The following SKAP1 variants were observed in gnomAD, a reference collection of about 807,000 sequenced individuals.
The protein encoded by SKAP1 is src kinase-associated phosphoprotein 1.
Under a neutral mutation model 58.5 loss-of-function variants are expected in SKAP1, and 44 were observed. The ratio of observed to expected loss-of-function variants is 0.75; its 90% CI spans 0.59 to 0.97. The LOEUF is 0.97. SKAP1 is among the 50% of genes least tolerant of loss of function. The pLI, the probability that SKAP1 is intolerant of heterozygous loss-of-function variation, is 0.00. For synonymous variants in SKAP1, 127 were observed against 149.7 expected (o/e 0.85, Z 1.11); for missense variants, 390 against 435.2 (o/e 0.90, Z 0.92).
chr17:48,417,128 G>A (rs2067741200), intron 1 of SKAP1, among the ~76,000 whole-genome samples: 1 of 152,208 alleles, frequency 6.6e-6, no homozygotes, highest in Non-Finnish European at 1.5e-5. Flanking sequence ...ATACCTACCA[G>A]CTTTGTTTTG....
chr17:48,228,714 G>C (rs1400515919), intron 4 of SKAP1, among the ~76,000 whole-genome samples: 3 of 152,228 alleles, frequency 2.0e-5, no homozygotes, highest in African/African-American at 7.2e-5. Context: ...GAGGGATACA[G>C]AGTTTAAGTA....
chr17:48,382,717 TC>T (rs2067231132), intron 2 of SKAP1: 1 of 152,154 alleles, frequency 6.6e-6, no homozygotes, highest in African/African-American at 2.4e-5. Flanking sequence ...TAATAGTGGT[TC>T]AAAAAACCAC....
intron 4 of SKAP1, among the ~76,000 whole-genome samples, chr17:48,243,298 A>G (rs1184372823): frequency 6.6e-6 from 1 of 152,164 alleles, no homozygotes; most frequent in Non-Finnish European, 1.5e-5. Context: ...TAAAAATAGG[A>G]CTTTAAAGAG....
chr17:48,248,839 G>GTT (rs1430457010), intron 4 of SKAP1: 1 of 152,072 alleles, frequency 6.6e-6, no homozygotes, highest in Non-Finnish European at 1.5e-5. Flanking sequence ...AATGAACAGG[G>GTT]TTTAATAGAG....
intron 4 of SKAP1, among the ~76,000 whole-genome samples, chr17:48,231,400 A>C (rs2143781318): frequency 6.6e-6 from 1 of 152,318 alleles, no homozygotes. Context: ...ATACATGCTT[A>C]CACAGCCTGA....
chr17:48,136,869 A>T (rs994964567), intron 12 of SKAP1: 1 of 169,602 alleles, frequency 5.9e-6, no homozygotes, highest in Non-Finnish European at 1.3e-5. Flanking sequence ...AGGTTTCACT[A>T]TGTTGGTAAA....
chr17:48,237,057 G>A (rs2065188654), intron 4 of SKAP1, among the ~76,000 whole-genome samples: 1 of 152,086 alleles, frequency 6.6e-6, no homozygotes. Flanking sequence ...ACAACTATTA[G>A]GTCATGAAGT....
intron 4 of SKAP1, among the ~76,000 whole-genome samples, chr17:48,334,146 A>T (rs1469144952): frequency 6.6e-6 from 1 of 151,942 alleles, no homozygotes; most frequent in Non-Finnish European, 1.5e-5. Flanking sequence ...AGAGACCCTG[A>T]CACCTTCTTA....
chr17:48,281,345 C>T (rs958729011), intron 4 of SKAP1, among the ~76,000 whole-genome samples: 3 of 152,054 alleles, frequency 2.0e-5, no homozygotes, highest in Non-Finnish European at 4.4e-5. Flanking sequence ...TTTTAAAGCA[C>T]TTCAGTCTAC....
chr17:48,224,887 T>G (rs948343051), intron 4 of SKAP1, among the ~76,000 whole-genome samples: 1 of 152,192 alleles, frequency 6.6e-6, no homozygotes, highest in Non-Finnish European at 1.5e-5. Context: ...GTACAGTTTG[T>G]ATGATAGAAT....
At chr17:48,442,885 T>C in the SKAP1 span, among the ~76,000 whole-genome samples, 1 of 152,234 alleles carries the variant, frequency 6.6e-6, no homozygotes. Context: ...TTTTAGTAGC[T>C]TCCCAATATT....
intron 11 of SKAP1, among the ~76,000 whole-genome samples, chr17:48,149,303 C>A (rs1356901012): frequency 2.0e-5 from 3 of 152,098 alleles, no homozygotes; most frequent in Non-Finnish European, 4.4e-5. Flanking sequence ...CACTTGATTG[C>A]GCCAGATTCA....
chr17:48,268,784 G>T (rs1206402991), intron 4 of SKAP1, among the ~76,000 whole-genome samples: 3 of 152,094 alleles, frequency 2.0e-5, no homozygotes, highest in Non-Finnish European at 4.4e-5. Flanking sequence ...GAGCCACTGT[G>T]CCCGGCCTCA....
chr17:48,186,948 C>T (rs1323310753), intron 6 of SKAP1, among the ~76,000 whole-genome samples: 2 of 152,180 alleles, frequency 1.3e-5, no homozygotes, highest in African/African-American at 4.8e-5. Context: ...CAAACTGTAT[C>T]GCTGGCCTCT....
At chr17:48,158,396 GAA>G (rs57510130) in intron 11 of SKAP1, among the ~76,000 whole-genome samples, 29 of 138,058 alleles carry the variant, frequency 2.1e-4, no homozygotes, top group East Asian at 1.1e-3. Context: ...AATACAAAAA[GAA>G]AAAAAAAAAA....
intron 10 of SKAP1, 71 bp downstream of exon 10, chr17:48,170,538 G>T: frequency 7.6e-7 from 1 of 1,315,612 alleles, no homozygotes; most frequent in Non-Finnish European, 1.1e-6. Flanking sequence ...TAGTCTCAGA[G>T]AAAGGTGCTT....
chr17:48,253,286 T>C (rs2065387668), intron 4 of SKAP1, among the ~76,000 whole-genome samples: 1 of 152,146 alleles, frequency 6.6e-6, no homozygotes, highest in African/African-American at 2.4e-5. Flanking sequence ...CTTTGGATTC[T>C]TTTTTTCTGA....
intron 1 of SKAP1, among the ~76,000 whole-genome samples, chr17:48,418,173 C>T (rs2067754713): frequency 6.6e-6 from 1 of 152,054 alleles, no homozygotes; most frequent in African/African-American, 2.4e-5. Flanking sequence ...ACCTGTTGTC[C>T]CAACTATTCA....
At chr17:48,335,367 C>A (rs2066554619) in intron 4 of SKAP1, among the ~76,000 whole-genome samples, 1 of 151,906 alleles carries the variant, frequency 6.6e-6, no homozygotes, top group Admixed American at 6.5e-5. Flanking sequence ...ACATTAATAG[C>A]AACTTTTCAT....
Sources: allele counts gnomAD v4.1 joint callset (sites outside exome capture counted in the v4.1 genomes callset), GRCh38; gene constraint gnomAD v4.1.1; transcripts MANE v1.5; gene names NCBI Gene and HGNC (gene_info 2026-07-23, HGNC 2026-07-21).